SYCP2: variants seen among roughly 807,000 people sequenced by gnomAD.
SYCP2 encodes synaptonemal complex lateral element protein.
Under a neutral mutation model 211.3 loss-of-function variants are expected in SYCP2, and 55 were observed. The observed-to-expected ratio is 0.26, with a 90% CI of 0.21 to 0.33. The LOEUF (loss-of-function observed/expected upper bound fraction) is 0.33. Ranked by LOEUF, SYCP2 falls within the 10% of genes least tolerant of loss-of-function variation. The pLI, the probability that SYCP2 is intolerant of heterozygous loss-of-function variation, is 1.00. For synonymous variants in SYCP2, 570 were observed against 555.2 expected, an observed-to-expected ratio of 1.03 and a Z score of -0.37; for missense variants, 1,731 against 1,752.0, an observed-to-expected ratio of 0.99 and a Z score of 0.21.
At position 59,920,939 on chromosome 20, in the gene SYCP2, T is replaced by C. The variant is rs192094853; in HGVS notation, c.168+371A>G. Among the ~76,000 whole-genome samples, 503 of 151,778 alleles carry C rather than the reference T, an allele frequency of 3.3e-3. 2 individuals are homozygous for C. Among genetic ancestry groups the C allele is most frequent in the Non-Finnish European group, 5.9e-3 (397 of 67,622 alleles). On this transcript the variant is annotated intron_variant, in intron 4 of 44. Transcript: ENST00000357552. ...AGTTTGGGGTGATTTTTCTATGTTT[T>C]AGTTTTGACAGAAGTAGGCATTGCC...
chr20:59,922,579 C>T (rs2145883752), intron 2 of SYCP2, 120 bp from the exon 3 acceptor site: 1 of 471,130 alleles, frequency 2.1e-6, no homozygotes, highest in Non-Finnish European at 3.7e-6. Flanking sequence ...CATTAACTTC[C>T]TCACTAAACA....
Position 59,871,155 on chromosome 20 carries a change from A to G in SYCP2, c.3556-1172T>C, listed in dbSNP as rs370729253. 1.3e-4 allele frequency among the ~76,000 whole-genome samples: 20 copies of G among 152,084 alleles called. No individual in the cohort carries two copies. In the East Asian group the frequency reaches 3.1e-3, roughly 23 times the overall value. On this transcript the variant is annotated intron_variant, in intron 35 of 44. Transcript: ENST00000357552. Reference sequence around the variant, plus strand: ...ATATTAAGAACTCATACAAATTTGTAAGAAAAATCAAGCAATGCAATTTAA... The same window carrying G: ...ATATTAAGAACTCATACAAATTTGTGAGAAAAATCAAGCAATGCAATTTAA...
chr20:59,900,786 G>A lies in SYCP2; in HGVS notation c.1215C>T (p.Ala405=), dbSNP rs1373752747. 1 of 1,612,474 alleles carries A rather than the reference G, an allele frequency of 6.2e-7. No individual in the cohort carries two copies. The highest frequency in any genetic ancestry group is 1.3e-5 in the African/African-American group (1 of 74,908). Residue 405 remains alanine (A), a synonymous_variant, in exon 17 of 45, where the codon GCC becomes GCT. Transcript: ENST00000357552. ...ESIRKQGISV[A]KTSLHILFDA... ...CAAAAAGTATATGCAGCGACGTTTT[G>A]GCAACTGAAATACCTTGTTTTCTGA...
intron 1 of SYCP2, among the ~76,000 whole-genome samples, chr20:59,932,723 C>G (rs908561316): frequency 6.6e-6 from 1 of 152,118 alleles, no homozygotes; most frequent in African/African-American, 2.4e-5. Flanking sequence ...CGCAGATGCT[C>G]GGCCAGCCTG....
chr20:59,878,474 T>C (rs1242967506), intron 31 of SYCP2, among the ~76,000 whole-genome samples: 1 of 152,146 alleles, frequency 6.6e-6, no homozygotes, highest in Non-Finnish European at 1.5e-5. Context: ...TTTTTAAACA[T>C]ATAAGAGAAT....
intron 12 of SYCP2, 63 bp downstream of exon 12, chr20:59,913,911 TG>T: frequency 8.2e-7 from 1 of 1,213,234 alleles, no homozygotes; most frequent in Non-Finnish European, 1.2e-6. Context: ...GATGCAACAC[TG>T]GGTGCTCACT....
chr20:59,885,872 T>C (rs1416186255), intron 26 of SYCP2, 56 bp downstream of exon 26: 19 of 1,330,298 alleles, frequency 1.4e-5, no homozygotes, highest in Non-Finnish European at 2.0e-5. Context: ...TTAGTGTTTA[T>C]GGTCAAATAT....
intron 35 of SYCP2, among the ~76,000 whole-genome samples, 162 bp from the exon 36 acceptor site, chr20:59,870,145 C>T (rs1385407093): frequency 6.6e-6 from 1 of 151,670 alleles, no homozygotes; most frequent in Non-Finnish European, 1.5e-5. Context: ...ATAAAAAATC[C>T]TTAGGCAAGT....
intron 7 of SYCP2, among the ~76,000 whole-genome samples, chr20:59,917,960 TATC>T (rs2060473666): frequency 6.6e-6 from 1 of 152,246 alleles, no homozygotes; most frequent in Admixed American, 6.5e-5. Context: ...TATTTGAATC[TATC>T]ATGTTTTATT....
At chr20:59,915,258 C>CA in intron 9 of SYCP2, 59 bp from the exon 10 acceptor site, 1 of 1,303,922 alleles carries the variant, frequency 7.7e-7, no homozygotes, top group South Asian at 1.3e-5. Context: ...AGGAAGTCCA[C>CA]ATGTTTAGGA....
chr20:59,864,576 A>C (rs934231059), intron 44 of SYCP2, among the ~76,000 whole-genome samples, 188 bp from the exon 45 acceptor site: 1 of 151,856 alleles, frequency 6.6e-6, no homozygotes, highest in Admixed American at 6.6e-5. Flanking sequence ...ACTGATATTC[A>C]AGACAATCAG....
Position 59,886,828 on chromosome 20 carries a change from T to C in SYCP2, c.2371A>G (p.Lys791Glu). 1 of 1,572,408 alleles carries C rather than the reference T, an allele frequency of 6.4e-7. No individual in the cohort carries two copies. ...WDSKQKKMRE[K>E]SKGKEFTNVA... ...TTGGTAAATTCTTTCCCTTTTGACT[T>C]TTCTCTCTGAAAAAAATTGTAAGTT... Residue 791 changes from lysine (K) to glutamate (E), a missense_variant, in exon 25 of 45, where the codon AAG (lysine) becomes GAG (glutamate). Around this residue, in one of 3 missense-constraint regions of SYCP2, gnomAD observed 1,387 missense variants for 1,351.3 expected, o/e 1.03. Transcript: ENST00000357552.
intron 44 of SYCP2, among the ~76,000 whole-genome samples, chr20:59,864,681 A>G (rs1472661548): frequency 6.6e-6 from 1 of 152,008 alleles, no homozygotes; most frequent in Non-Finnish European, 1.5e-5. Flanking sequence ...CTAGAAAACA[A>G]TTTCAACAAG....
At chr20:59,923,354 T>C (rs2145886876) in intron 2 of SYCP2, among the ~76,000 whole-genome samples, 1 of 152,090 alleles carries the variant, frequency 6.6e-6, no homozygotes, top group Admixed American at 6.6e-5. Context: ...AGAATATGCA[T>C]AATTATTTGC....
At chr20:59,904,594 C>T (rs2060179927) in intron 15 of SYCP2, among the ~76,000 whole-genome samples, 1 of 152,138 alleles carries the variant, frequency 6.6e-6, no homozygotes, top group African/African-American at 2.4e-5. Flanking sequence ...CCTGTATATG[C>T]ATTATCTATC....
chr20:59,904,008 T>G (rs986683368), intron 15 of SYCP2, among the ~76,000 whole-genome samples: 1 of 152,168 alleles, frequency 6.6e-6, no homozygotes, highest in Non-Finnish European at 1.5e-5. Flanking sequence ...TAAGGAAATT[T>G]GCTAATTCTG....
rs368466899 is a variant in SYCP2, at chr20:59,865,381, G to T, written c.4515+7C>A. On this transcript the variant is annotated splice_region_variant and intron_variant, in intron 44 of 44. Transcript: ENST00000357552. Reference sequence around the variant, plus strand: ...GATTATCCCATTTTCAAACTTAGTTGACTTACCATGTCCTTAAGAAGCCTG... The same window carrying T: ...GATTATCCCATTTTCAAACTTAGTTTACTTACCATGTCCTTAAGAAGCCTG... 3 of 1,600,866 alleles carry T rather than the reference G, an allele frequency of 1.9e-6. No homozygotes were observed. The African/African-American group carries it at 4.0e-5, about 22-fold the overall frequency.
chr20:59,893,217 T>G lies in SYCP2; in HGVS notation c.1736-18A>C. The G allele has an allele frequency of 6.4e-7, 1 of 1,557,182 alleles. No individual in the cohort carries two copies. Among genetic ancestry groups the G allele is most frequent in the Non-Finnish European group, 8.8e-7 (1 of 1,142,696 alleles). On this transcript the variant is annotated intron_variant, in intron 21 of 44. Coordinates refer to ENST00000357552, the MANE Select transcript of SYCP2 (RefSeq NM_014258.4). Reference sequence around the variant, plus strand: ...GAGTTCACCTAAATAAAACAAATATTATAATATTTTCATTTTTTTCATGCA... The same window carrying G: ...GAGTTCACCTAAATAAAACAAATATGATAATATTTTCATTTTTTTCATGCA...
At chr20:59,882,271 A>T in intron 26 of SYCP2, 106 bp from the exon 27 acceptor site, 1 of 828,946 alleles carries the variant, frequency 1.2e-6, no homozygotes, top group Non-Finnish European at 2.0e-6. Context: ...ATGTCATCTC[A>T]CCTCAGTTAA....
Sources: gnomAD v4.1 joint callset for allele counts (sites outside exome capture counted in the v4.1 genomes callset) on GRCh38, gnomAD v4.1.1 for gene constraint, gnomAD v4.1.1 regional missense constraint, MANE v1.5 for transcripts, NCBI Gene and HGNC (gene_info 2026-07-23, HGNC 2026-07-21) for gene names.